IDNK: variants seen among roughly 807,000 people sequenced by gnomAD.
IDNK encodes the protein IDNK gluconokinase.
IDNK carries 9 observed loss-of-function variants against 13.0 expected under a neutral mutation model. That is an observed-to-expected ratio of 0.69 (90% CI 0.42 to 1.21). IDNK has a LOEUF of 1.21. Among genes scored for constraint, IDNK ranks in the 50% most tolerant of loss-of-function variants. IDNK has a pLI of 0.00. For missense variants in IDNK, 210 were observed against 237.8 expected (o/e 0.88, Z 0.77); for synonymous variants, 92 against 94.9 (o/e 0.97, Z 0.18).
chr9:83,632,393 G>C (rs1328049978), intron 3 of IDNK, among the ~76,000 whole-genome samples: 1 of 151,882 alleles, frequency 6.6e-6, no homozygotes, highest in African/African-American at 2.4e-5. Context: ...GCTCACCTCC[G>C]AGCACTGGGC....
At position 83,643,482 on chromosome 9, in the gene IDNK, C is replaced by T. The variant is rs149198015; in HGVS notation, c.266C>T (p.Thr89Met). ...CTAGCCTGTTCAGCCCTGAAGAAAACGTACAGAGACATATTAACACAAGGA... is the reference window on the plus strand; with the variant it reads ...CTAGCCTGTTCAGCCCTGAAGAAAATGTACAGAGACATATTAACACAAGGA... ...VVLACSALKKTYRDILTQGKD... is the reference protein window; with the variant it reads ...VVLACSALKKMYRDILTQGKD... The change falls in exon 5 of 5, where the codon ACG (threonine) becomes ATG (methionine). Residue 89 changes from threonine to methionine, a missense_variant. By Grantham distance (81) the Thr-to-Met change is moderately conservative (BLOSUM62 -1). Coordinates refer to ENST00000376419, the MANE Select transcript of IDNK (RefSeq NM_001001551.4). The T allele has an allele frequency of 3.5e-5, 57 of 1,613,510 alleles. No homozygotes were observed. Among genetic ancestry groups the T allele is most frequent in the Non-Finnish European group, 4.5e-5 (53 of 1,179,914 alleles).
intron 3 of IDNK, 112 bp from the exon 4 acceptor site, chr9:83,641,436 G>T: frequency 8.3e-7 from 1 of 1,206,208 alleles, no homozygotes; most frequent in Admixed American, 1.8e-5. Context: ...TCACACCACT[G>T]AGCTCTCGCT....
At chr9:83,637,847 C>T (rs1831205229) in intron 3 of IDNK, among the ~76,000 whole-genome samples, 1 of 152,034 alleles carries the variant, frequency 6.6e-6, no homozygotes, top group Non-Finnish European at 1.5e-5. Flanking sequence ...ATATAAAGTC[C>T]TCATATAAGG....
At chr9:83,642,073 C>T (rs1337304229) in intron 4 of IDNK, among the ~76,000 whole-genome samples, 1 of 152,110 alleles carries the variant, frequency 6.6e-6, no homozygotes, top group Non-Finnish European at 1.5e-5. Context: ...GGCCTGAGGT[C>T]ATTTGTGAGT....
chr9:83,626,881 C>G, intron 1 of IDNK: 1 of 1,076,744 alleles, frequency 9.3e-7, no homozygotes, highest in Non-Finnish European at 1.1e-6. Context: ...CCTTTGGTTA[C>G]ATCCAGGAGC....
At chr9:83,623,301 CG>C in intron 1 of IDNK, 80 bp downstream of exon 1, 1 of 1,255,346 alleles carries the variant, frequency 8.0e-7, no homozygotes, top group African/African-American at 1.6e-5. Flanking sequence ...CCGTCCCTGC[CG>C]GTGGACTGGG....
intron 3 of IDNK, among the ~76,000 whole-genome samples, chr9:83,641,010 T>C (rs1294961829): frequency 6.6e-6 from 1 of 152,188 alleles, no homozygotes; most frequent in African/African-American, 2.4e-5. Context: ...AAGGAGAGAA[T>C]TTACTTGTCT....
At chr9:83,629,500 G>A (rs930528299) in intron 3 of IDNK, among the ~76,000 whole-genome samples, 6 of 152,262 alleles carry the variant, frequency 3.9e-5, no homozygotes, top group East Asian at 3.9e-4. Flanking sequence ...GGAGCCATGC[G>A]CCTCCATATC....
chr9:83,639,516 T>C (rs1463344274), intron 3 of IDNK, among the ~76,000 whole-genome samples: 1 of 152,158 alleles, frequency 6.6e-6, no homozygotes, highest in Non-Finnish European at 1.5e-5. Context: ...AGCTAGTTGT[T>C]TGACAAAATA....
chr9:83,628,274 C>T lies in IDNK; in HGVS notation c.81+63C>T. ...CCATTGTGTTCTGGTCTCCTTGCAT[C>T]TCTGCCTTTTTTCTGCTTTGTACAG... On this transcript the variant is annotated intron_variant, in intron 2 of 4. Coordinates refer to ENST00000376419, the MANE Select transcript of IDNK (RefSeq NM_001001551.4). 3 of 1,382,308 alleles carry T rather than the reference C, an allele frequency of 2.2e-6. No homozygotes were observed. In the Admixed American group the frequency reaches 5.9e-5, roughly 27 times the overall value. The allele number at this position is 1,382,308 out of a possible 1,614,324, so 85.6% of individuals were successfully genotyped here.
intron 2 of IDNK, 22 bp from the exon 3 acceptor site, chr9:83,628,851 C>A: frequency 6.4e-7 from 1 of 1,574,306 alleles, no homozygotes; most frequent in Non-Finnish European, 8.7e-7. Flanking sequence ...GCCACATACA[C>A]CCTTTCACTT....
intron 3 of IDNK, among the ~76,000 whole-genome samples, chr9:83,632,620 A>G (rs1354810109): frequency 2.6e-5 from 4 of 151,708 alleles, no homozygotes; most frequent in African/African-American, 9.7e-5. Flanking sequence ...GAAGTTTACA[A>G]ATTTATGTTG....
chr9:83,637,783 A>T (rs569969504), intron 3 of IDNK, among the ~76,000 whole-genome samples: 3 of 152,204 alleles, frequency 2.0e-5, no homozygotes, highest in Non-Finnish European at 4.4e-5. Flanking sequence ...GCTGGACCTG[A>T]GTATCTTACA....
chr9:83,643,458 T>C lies in IDNK; in HGVS notation c.242T>C (p.Leu81Pro), dbSNP rs1587625470. The C allele has an allele frequency of 6.2e-7, 1 of 1,613,852 alleles. No homozygotes were observed. Among genetic ancestry groups the C allele is most frequent in the Non-Finnish European group, 8.5e-7 (1 of 1,179,836 alleles). ...RDVASGQRVV[L>P]ACSALKKTYR... ...GTAGCCTCGGGACAGCGTGTGGTTCTAGCCTGTTCAGCCCTGAAGAAAACG... is the reference window on the plus strand; with the variant it reads ...GTAGCCTCGGGACAGCGTGTGGTTCCAGCCTGTTCAGCCCTGAAGAAAACG... The change falls in exon 5 of 5, where the codon CTA becomes CCA. Residue 81 changes from leucine to proline, a missense_variant. Coordinates refer to ENST00000376419, the MANE Select transcript of IDNK (RefSeq NM_001001551.4).
chr9:83,626,840 A>T, intron 1 of IDNK: 1 of 1,098,244 alleles, frequency 9.1e-7, no homozygotes. Context: ...AATAGAATGA[A>T]CTAATGGGAA....
rs1398195608 is a variant in IDNK, at chr9:83,628,204, C to A, written c.74C>A (p.Ala25Glu). ...SGKSTVGALL[A>E]SELGWKFYDA... Reference sequence around the variant, plus strand: ...AGATCCACCGTGGGCGCCCTGCTGGCATCTGAGGTTAGTAACCTGTCCTAA... The same window carrying A: ...AGATCCACCGTGGGCGCCCTGCTGGAATCTGAGGTTAGTAACCTGTCCTAA... The change falls in exon 2 of 5, where the codon GCA (alanine) becomes GAA (glutamate). Residue 25 changes from alanine to glutamate, a missense_variant. Transcript: ENST00000376419. 2 of 1,550,440 alleles carry A rather than the reference C, an allele frequency of 1.3e-6. No individual in the cohort carries two copies. Among genetic ancestry groups the A allele is most frequent in the Admixed American group, 3.9e-5 (2 of 51,008 alleles).
chr9:83,623,519 C>T lies in IDNK; in HGVS notation c.50+298C>T, dbSNP rs984936952. 1.3e-4 allele frequency: 49 copies of T among 372,618 alleles called. No homozygotes were observed. In the Middle Eastern group the frequency reaches 2.0e-3, roughly 16 times the overall value. 23.1% of individuals were successfully genotyped at this position (372,618 alleles called of 1,614,324 possible). On this transcript the variant is annotated intron_variant, in intron 1 of 4. Coordinates refer to ENST00000376419, the MANE Select transcript of IDNK (RefSeq NM_001001551.4). ...TCCTGAACAGGCGGCTGCGGGGCCG[C>T]GCAGGTGGAGGCCTAGCGAGCGGCG...
intron 3 of IDNK, among the ~76,000 whole-genome samples, chr9:83,637,612 T>A (rs1374461378): frequency 6.6e-6 from 1 of 152,112 alleles, no homozygotes; most frequent in East Asian, 1.9e-4. Flanking sequence ...AACGAGAACA[T>A]CTCATGTGCC....
rs59605419 is a variant in IDNK, at chr9:83,642,560, C to CAAA, written c.213-856_213-854dup. Among the ~76,000 whole-genome samples, 625 of 131,986 alleles carry CAAA rather than the reference C, an allele frequency of 4.7e-3. 2 individuals carry two copies. Among genetic ancestry groups the CAAA allele is most frequent in the Non-Finnish European group, 7.8e-3 (464 of 59,304 alleles). 86.6% of individuals were successfully genotyped at this position (131,986 alleles called of 152,430 possible). A position where few individuals can be genotyped will look rare whatever the true frequency, so the allele number is the denominator to read the frequency against. On this transcript the variant is annotated intron_variant, in intron 4 of 4. Transcript: ENST00000376419. ...ATATTTGCTAGCCATGTATTGGCTG[C>CAAA]AAAAAAAAAAAAAAAGCAGGGGAGG...
Sources: allele counts gnomAD v4.1 joint callset (sites outside exome capture counted in the v4.1 genomes callset), GRCh38; gene constraint gnomAD v4.1.1; transcripts MANE v1.5; gene names NCBI Gene and HGNC (gene_info 2026-07-23, HGNC 2026-07-21).